The following JMY variants were observed in gnomAD, a reference collection of about 807,000 sequenced individuals.
JMY encodes junction mediating and regulatory protein, p53 cofactor.
Under a neutral mutation model 103.3 loss-of-function variants are expected in JMY, and 46 were observed. The ratio of observed to expected loss-of-function variants is 0.45; its 90% confidence interval spans 0.35 to 0.57. JMY has a LOEUF of 0.57. Among genes scored for constraint, JMY ranks in the 20% least tolerant of loss-of-function variants. The pLI is 0.00. For synonymous variants in JMY, 526 were observed against 489.3 expected, an observed-to-expected ratio of 1.07 and a Z score of -0.99; for missense variants, 1,238 against 1,255.2, an observed-to-expected ratio of 0.99 and a Z score of 0.21.
intron 7 of JMY, among the ~76,000 whole-genome samples, chr5:79,308,468 T>C (rs1746953435): frequency 1.3e-5 from 2 of 152,218 alleles, no homozygotes; most frequent in Non-Finnish European, 2.9e-5. Context: ...TAAAAGACTG[T>C]CCTTTCTCCA....
chr5:79,236,762 A>T lies in JMY; in HGVS notation c.112A>T (p.Ile38Phe). 2 of 1,511,214 alleles carry T rather than the reference A, an allele frequency of 1.3e-6. No homozygotes were observed. The highest frequency in any genetic ancestry group is 5.5e-5 in the East Asian group (2 of 36,150). 93.6% of individuals were successfully genotyped at this position (1,511,214 alleles called of 1,614,324 possible). Residue 38 changes from isoleucine to phenylalanine, a missense_variant, in exon 1 of 11, where the codon ATT becomes TTT. Transcript: ENST00000396137. ...KFVFIVAWNE[I>F]EGKFAITCHN... Reference sequence around the variant, plus strand: ...CGTCTTTATTGTGGCCTGGAACGAGATTGAGGGCAAGTTTGCCATAACCTG... The same window carrying T: ...CGTCTTTATTGTGGCCTGGAACGAGTTTGAGGGCAAGTTTGCCATAACCTG...
At chr5:79,312,786 T>A (rs1057037235) in intron 8 of JMY, among the ~76,000 whole-genome samples, 14 of 152,280 alleles carry the variant, frequency 9.2e-5, no homozygotes, top group African/African-American at 3.1e-4. Flanking sequence ...TTTAAAAAAT[T>A]AGTTAAATCA....
chr5:79,294,040 A>G (rs1458830826), intron 4 of JMY, among the ~76,000 whole-genome samples: 1 of 152,222 alleles, frequency 6.6e-6, no homozygotes, highest in Non-Finnish European at 1.5e-5. Flanking sequence ...TTATTAAAAT[A>G]AGGATTAATG....
intron 1 of JMY, among the ~76,000 whole-genome samples, 177 bp downstream of exon 1, chr5:79,237,859 A>ATC: frequency 6.6e-6 from 1 of 150,758 alleles, no homozygotes; most frequent in African/African-American, 2.4e-5. Flanking sequence ...GTGGCTGCTT[A>ATC]ATTGACTCTC....
chr5:79,280,153 G>GT (rs1333296120), intron 2 of JMY, among the ~76,000 whole-genome samples: 1 of 152,154 alleles, frequency 6.6e-6, no homozygotes, highest in Non-Finnish European at 1.5e-5. Context: ...GGAAATTCCT[G>GT]TTTCTTTAAA....
Position 79,322,955 on chromosome 5 carries a change from T to G in JMY, c.*1353T>G, listed in dbSNP as rs1370781703. ...GGAGCAAAAGCCCAGTGTATATGAA[T>G]TGGTATTCCTAGAGAAAAAAAGAAA... On this transcript the variant is annotated 3_prime_UTR_variant, in exon 11 of 11. Coordinates refer to ENST00000396137, the MANE Select transcript of JMY (RefSeq NM_152405.5). The G allele has an allele frequency of 2.0e-5, 3 of 152,200 alleles. No individual in the cohort carries two copies. The highest frequency in any genetic ancestry group is 4.4e-5 in the Non-Finnish European group (3 of 68,042). The allele number at this position is 152,200 out of a possible 1,614,324, so 9.4% of individuals were successfully genotyped here.
At chr5:79,317,786 C>A (rs555153875) in intron 10 of JMY, among the ~76,000 whole-genome samples, 1 of 152,264 alleles carries the variant, frequency 6.6e-6, no homozygotes, top group African/African-American at 2.4e-5. Flanking sequence ...GCAGCCTCAA[C>A]CTTCTGGGAT....
At chr5:79,315,540 A>AT (rs34196000) in intron 9 of JMY, among the ~76,000 whole-genome samples, 1 of 152,218 alleles carries the variant, frequency 6.6e-6, no homozygotes, top group East Asian at 1.9e-4. Context: ...TCTATAAAAC[A>AT]TTTCTTGATG....
Position 79,312,386 on chromosome 5 carries a change from TA to T in JMY, c.1969-16del. 4 of 1,425,382 alleles carry T rather than the reference TA, an allele frequency of 2.8e-6. No individual in the cohort carries two copies. Among genetic ancestry groups the T allele is most frequent in the Non-Finnish European group, 3.9e-6 (4 of 1,038,834 alleles). 88.3% of individuals were successfully genotyped at this position (1,425,382 alleles called of 1,614,324 possible). A position where few individuals can be genotyped will look rare whatever the true frequency, so the allele number is the denominator to read the frequency against. ...TTGGGACACAGCATAATGGAATTAT[TA>T]TTAATTTTTTACCAGAAGAGAGAAA... On this transcript the variant is annotated splice_polypyrimidine_tract_variant and intron_variant, in intron 7 of 10. Coordinates refer to ENST00000396137, the MANE Select transcript of JMY (RefSeq NM_152405.5).
chr5:79,309,853 G>T (rs1055910766), intron 7 of JMY, among the ~76,000 whole-genome samples: 4 of 152,102 alleles, frequency 2.6e-5, no homozygotes, highest in Non-Finnish European at 5.9e-5. Flanking sequence ...GTTGCTCCCT[G>T]CTATAACCAT....
In JMY at chr5:79,274,983, C is replaced by G. The variant is rs114087723; in HGVS notation, c.1033-2927C>G. 7.8e-3 allele frequency among the ~76,000 whole-genome samples: 1,193 copies of G among 152,222 alleles called. 21 individuals are homozygous for G. The highest frequency in any genetic ancestry group is 0.065 in the South Asian group (314 of 4,824). On this transcript the variant is annotated intron_variant, in intron 1 of 10. Coordinates refer to ENST00000396137, the MANE Select transcript of JMY (RefSeq NM_152405.5). ...GTACCTGTCCTGTGCATGTATAGTTCCAGTGATCAGCCAGAAATTTGAGTA... is the reference window on the plus strand; with the variant it reads ...GTACCTGTCCTGTGCATGTATAGTTGCAGTGATCAGCCAGAAATTTGAGTA...
chr5:79,288,332 G>A (rs138310555), intron 2 of JMY, among the ~76,000 whole-genome samples: 9 of 152,056 alleles, frequency 5.9e-5, no homozygotes, highest in Middle Eastern at 6.8e-3. Context: ...CTCACCTCTC[G>A]CATGCCTTTT....
chr5:79,277,669 G>A (rs780659063), intron 1 of JMY, among the ~76,000 whole-genome samples: 3 of 151,846 alleles, frequency 2.0e-5, no homozygotes, highest in Non-Finnish European at 4.4e-5. Context: ...AATAAAAAAT[G>A]GGAAGTGTTA....
In JMY at chr5:79,318,755, T is replaced by C. The variant is rs542562906; in HGVS notation, c.*3+2445T>C. 1.5e-3 allele frequency among the ~76,000 whole-genome samples: 58 copies of C among 38,590 alleles called. 2 individuals are homozygous for C. The highest frequency in any genetic ancestry group is 2.4e-3 in the Non-Finnish European group (51 of 20,954). The allele number at this position is 38,590 out of a possible 152,430, so 25.3% of individuals were successfully genotyped here. A position where few individuals can be genotyped will look rare whatever the true frequency, so the allele number is the denominator to read the frequency against. ...CTTTGTAAAGGAATATATATATATA[T>C]ATATATAGAGAGAGAGAGAGAGAGA... is the stretch of plus-strand genomic sequence containing the variant. On this transcript the variant is annotated intron_variant, in intron 10 of 10. Coordinates refer to ENST00000396137, the MANE Select transcript of JMY (RefSeq NM_152405.5).
At chr5:79,262,801 C>T (rs1176358112) in intron 1 of JMY, among the ~76,000 whole-genome samples, 1 of 152,056 alleles carries the variant, frequency 6.6e-6, no homozygotes, top group African/African-American at 2.4e-5. Context: ...TGTCTGAGGA[C>T]AAAAAGCATG....
chr5:79,245,712 G>A (rs551275097), intron 1 of JMY, among the ~76,000 whole-genome samples: 12 of 152,172 alleles, frequency 7.9e-5, no homozygotes, highest in Admixed American at 2.6e-4. Context: ...TGCAACCTCC[G>A]CCTCCCAGGT....
At chr5:79,300,655 T>C (rs1746706503) in intron 5 of JMY, 21 bp from the exon 6 acceptor site, 1 of 1,568,294 alleles carries the variant, frequency 6.4e-7, no homozygotes, top group Non-Finnish European at 8.6e-7. Flanking sequence ...ACCACTACTC[T>C]TTTTTGCTGT....
At chr5:79,281,138 G>A (rs10474580) in intron 2 of JMY, among the ~76,000 whole-genome samples, 80,353 of 151,272 alleles carry the variant, frequency 0.53, 21,962 homozygotes, top group Non-Finnish European at 0.62. Flanking sequence ...TCCGCCTCCC[G>A]GGTTCGTGCC....
chr5:79,250,392 A>C (rs1322897351), intron 1 of JMY, among the ~76,000 whole-genome samples: 1 of 152,144 alleles, frequency 6.6e-6, no homozygotes, highest in Non-Finnish European at 1.5e-5. Context: ...TAAAACGGTG[A>C]TTCTAGTATT....
Sources: gnomAD v4.1 joint callset for allele counts (sites outside exome capture counted in the v4.1 genomes callset) on GRCh38, gnomAD v4.1.1 for gene constraint, MANE v1.5 for transcripts, NCBI Gene and HGNC (gene_info 2026-07-23, HGNC 2026-07-21) for gene names.